Variants in GGPS1 observed in about 807,000 individuals in gnomAD.
GGPS1 encodes the protein geranylgeranyl pyrophosphate synthase.
Under a neutral mutation model 28.1 loss-of-function variants are expected in GGPS1, and 15 were observed. The observed-to-expected ratio is 0.53, with a 90% CI of 0.36 to 0.82. GGPS1 has a LOEUF of 0.82. Among genes scored for constraint, GGPS1 ranks in the 40% least tolerant of loss-of-function variants. GGPS1 has a pLI of 0.01. For missense variants in GGPS1, 284 were observed against 348.3 expected (o/e 0.82, Z 1.47); for synonymous variants, 138 against 122.4 (o/e 1.13, Z -0.84).
In GGPS1 at chr1:235,342,151, C is replaced by T. The variant is rs377445891; in HGVS notation, c.282C>T (p.Tyr94=). 18 of 1,613,924 alleles carry T rather than the reference C, an allele frequency of 1.1e-5. No homozygotes were observed. The South Asian group carries it at 1.2e-4, about 11-fold the overall frequency. ...CATCTGTCATCAATTCTGCCAATTA[C>T]GTGTATTTCCTTGGCTTGGAGAAAG... ...GIPSVINSAN[Y]VYFLGLEKVL... is the part of the protein sequence containing the mutation. Residue 94 remains tyrosine (Y), a synonymous_variant, in exon 4 of 4, where the codon TAC becomes TAT. Transcript: ENST00000282841.
In GGPS1 at chr1:235,339,761, CA is replaced by C. The variant is rs34043751; in HGVS notation, c.71-1934del. Among the ~76,000 whole-genome samples, 207 of 130,486 alleles carry C rather than the reference CA, an allele frequency of 1.6e-3. 1 individual carries two copies. Among genetic ancestry groups the C allele is most frequent in the Middle Eastern group, 4.2e-3 (1 of 236 alleles). 85.6% of individuals were successfully genotyped at this position (130,486 alleles called of 152,430 possible). On this transcript the variant is annotated intron_variant, in intron 2 of 3. Coordinates refer to ENST00000282841, the MANE Select transcript of GGPS1 (RefSeq NM_004837.4). ...GGTGACAAGAGCGAAATTCCATCTC[CA>C]AAAAAAAAAAAAGAAAACAGTATTT... is the stretch of plus-strand genomic sequence containing the variant.
In GGPS1 at chr1:235,342,744, G is replaced by C; in HGVS notation, c.875G>C (p.Ser292Thr). 2 of 1,588,116 alleles carry C rather than the reference G, an allele frequency of 1.3e-6. No homozygotes were observed. The highest frequency in any genetic ancestry group is 1.7e-6 in the Non-Finnish European group (2 of 1,169,566). The change falls in exon 4 of 4, where the codon AGT (serine) becomes ACT (threonine). Residue 292 changes from serine (S) to threonine (T), a missense_variant. Coordinates refer to ENST00000282841, the MANE Select transcript of GGPS1 (RefSeq NM_004837.4). ...CTAGTAGCCTTAGTAAAACACTTAA[G>C]TAAGATGTTCAAAGAAGAAAATGAA... is the stretch of plus-strand genomic sequence containing the variant. Reference protein sequence around the residue: ...PELVALVKHLSKMFKEENE With the variant: ...PELVALVKHLTKMFKEENE
intron 1 of GGPS1, among the ~76,000 whole-genome samples, chr1:235,334,223 G>C (rs995735922): frequency 9.2e-5 from 14 of 152,068 alleles, no homozygotes; most frequent in Non-Finnish European, 1.8e-4. Flanking sequence ...ACTCATCTTA[G>C]TGCTCATTTA....
At chr1:235,338,400 G>A (rs1016290715) in intron 2 of GGPS1, among the ~76,000 whole-genome samples, 1 of 151,546 alleles carries the variant, frequency 6.6e-6, no homozygotes, top group African/African-American at 2.4e-5. Flanking sequence ...AAAAGGGGGG[G>A]AAACTTAAAA....
In GGPS1 at chr1:235,342,142, T is replaced by C. The variant is rs1314736257; in HGVS notation, c.273T>C (p.Ser91=). 6.2e-7 allele frequency: 1 copy of C among 1,614,190 alleles called. No homozygotes were observed. ...SIYGIPSVIN[S]ANYVYFLGLE... is the part of the protein sequence containing the mutation. ...ATGGAATCCCATCTGTCATCAATTC[T>C]GCCAATTACGTGTATTTCCTTGGCT... is the stretch of plus-strand genomic sequence containing the variant. The change falls in exon 4 of 4, where the codon TCT becomes TCC. Residue 91 remains serine, a synonymous_variant. Coordinates refer to ENST00000282841, the MANE Select transcript of GGPS1 (RefSeq NM_004837.4).
rs553538395 is a variant in GGPS1, at chr1:235,335,211, A to G, written c.-23-31A>G. On this transcript the variant is annotated intron_variant, in intron 1 of 3. Coordinates refer to ENST00000282841, the MANE Select transcript of GGPS1 (RefSeq NM_004837.4). ...TTGACACTGAAAGATGATTAGTTTCATGTGATCTTTATGTTTCTCCTTTTT... is the reference window on the plus strand; with the variant it reads ...TTGACACTGAAAGATGATTAGTTTCGTGTGATCTTTATGTTTCTCCTTTTT... 26 of 893,136 alleles carry G rather than the reference A, an allele frequency of 2.9e-5. 1 individual carries two copies. In the South Asian group the frequency reaches 3.5e-4, roughly 12 times the overall value. 55.3% of individuals were successfully genotyped at this position (893,136 alleles called of 1,614,324 possible). A position where few individuals can be genotyped will look rare whatever the true frequency, so the allele number is the denominator to read the frequency against.
At chr1:235,335,624 AT>A (rs1415828992) in intron 2 of GGPS1, among the ~76,000 whole-genome samples, 1 of 152,230 alleles carries the variant, frequency 6.6e-6, no homozygotes, top group Non-Finnish European at 1.5e-5. Flanking sequence ...ACACCTGTGA[AT>A]AGCCACTACA....
rs555881958 is a variant in GGPS1 at position 235,328,577 on chromosome 1, C to T, written c.-225C>T. The stretch of plus-strand genomic sequence containing the variant: ...CGGCAACGACGCCTGCGCAGTGTGA[C>T]CGGGATGGCGCATTTTCTTGCACCA... On this transcript the variant is annotated 5_prime_UTR_variant, in exon 1 of 4. Coordinates refer to ENST00000282841, the MANE Select transcript of GGPS1 (RefSeq NM_004837.4). 1 of 152,788 alleles carries T rather than the reference C, an allele frequency of 6.5e-6. No homozygotes were observed. Among genetic ancestry groups the T allele is most frequent in the South Asian group, 2.0e-4 (1 of 4,894 alleles). 9.5% of individuals were successfully genotyped at this position (152,788 alleles called of 1,614,324 possible).
At chr1:235,341,806 C>G in intron 3 of GGPS1, 28 bp downstream of exon 3, 1 of 1,290,380 alleles carries the variant, frequency 7.7e-7, no homozygotes, top group Non-Finnish European at 1.1e-6. Flanking sequence ...CCTCATTAAT[C>G]CCCAAGAAAT....
intron 1 of GGPS1, 75 bp from the exon 2 acceptor site, chr1:235,335,167 A>G: frequency 1.4e-6 from 1 of 690,654 alleles, no homozygotes; most frequent in Non-Finnish European, 2.5e-6. Context: ...ACACCCTGCA[A>G]TACAAATTCC....
chr1:235,341,806 C>T, intron 3 of GGPS1, 28 bp downstream of exon 3: 1 of 1,290,380 alleles, frequency 7.7e-7, no homozygotes, highest in Non-Finnish European at 1.1e-6. Flanking sequence ...CCTCATTAAT[C>T]CCCAAGAAAT....
chr1:235,332,663 G>A (rs1244427313), intron 1 of GGPS1, among the ~76,000 whole-genome samples: 2 of 152,070 alleles, frequency 1.3e-5, no homozygotes, highest in Non-Finnish European at 2.9e-5. Flanking sequence ...CTTGTCTTTG[G>A]TGGATTAATT....
chr1:235,334,903 A>T (rs1402562372), intron 1 of GGPS1, among the ~76,000 whole-genome samples: 1 of 152,108 alleles, frequency 6.6e-6, no homozygotes, highest in Admixed American at 6.5e-5. Context: ...ATGCTCGGCT[A>T]ATCTTTGTAG....
At chr1:235,335,788 C>T (rs181181101) in intron 2 of GGPS1, among the ~76,000 whole-genome samples, 2 of 152,288 alleles carry the variant, frequency 1.3e-5, no homozygotes, top group East Asian at 3.9e-4. Context: ...GTACTCTTTA[C>T]GGATATTACG....
At chr1:235,333,525 C>T (rs1012890103) in intron 1 of GGPS1, among the ~76,000 whole-genome samples, 49 of 149,908 alleles carry the variant, frequency 3.3e-4, no homozygotes, top group Non-Finnish European at 6.4e-4. Context: ...GCCAAGATTG[C>T]GCCACTGCAC....
chr1:235,336,193 C>A (rs901263637), intron 2 of GGPS1, among the ~76,000 whole-genome samples: 2 of 152,134 alleles, frequency 1.3e-5, no homozygotes, highest in African/African-American at 4.8e-5. Flanking sequence ...GAGGTTGAGA[C>A]CAGCCTGGCC....
intron 2 of GGPS1, 49 bp downstream of exon 2, chr1:235,335,383 G>A (rs762938974): frequency 4.7e-6 from 4 of 847,536 alleles, no homozygotes; most frequent in Non-Finnish European, 5.8e-6. Flanking sequence ...TGCAGTAGTG[G>A]TCGTTCAAAT....
chr1:235,331,891 A>C (rs1483957336), intron 1 of GGPS1, among the ~76,000 whole-genome samples: 2 of 152,226 alleles, frequency 1.3e-5, no homozygotes, highest in African/African-American at 4.8e-5. Flanking sequence ...ACTGCATGAC[A>C]GAGACAATGT....
At chr1:235,336,227 C>A (rs1055858941) in intron 2 of GGPS1, among the ~76,000 whole-genome samples, 3 of 152,094 alleles carry the variant, frequency 2.0e-5, no homozygotes, top group African/African-American at 7.2e-5. Flanking sequence ...CCCGTCTCTA[C>A]TAAAAACACA....
Sources: allele counts gnomAD v4.1 joint callset (sites outside exome capture counted in the v4.1 genomes callset), GRCh38; gene constraint gnomAD v4.1.1; transcripts MANE v1.5; gene names NCBI Gene and HGNC (gene_info 2026-07-23, HGNC 2026-07-21).